Variants in DENND3 observed in about 807,000 individuals in gnomAD.
The protein encoded by DENND3 is DENN domain containing 3, also known as DENN domain-containing protein 3.
In DENND3, 88 loss-of-function variants were observed where a neutral mutation model predicts 135.1. The observed-to-expected ratio is 0.65, with a 90% confidence interval of 0.55 to 0.78. DENND3 has a LOEUF of 0.78. Ranked by LOEUF, DENND3 falls within the 30% of genes least tolerant of loss-of-function variation. The probability of loss-of-function intolerance (pLI) is 0.00; values close to 1 mark genes in which losing one functional copy is unlikely to be tolerated. For missense variants in DENND3, 1,392 were observed against 1,688.4 expected (o/e 0.82, Z 3.08); for synonymous variants, 693 against 712.3 (o/e 0.97, Z 0.43).
chr8:141,151,572 T>A (rs1818802920), intron 6 of DENND3, 47 bp from the exon 7 acceptor site: 2 of 1,564,962 alleles, frequency 1.3e-6, no homozygotes, highest in Non-Finnish European at 8.8e-7. Flanking sequence ...TCTGTATTTT[T>A]TTTTTTTTTA....
chr8:141,190,146 T>C (rs147840009), intron 19 of DENND3, 138 bp from the exon 20 acceptor site: 12,480 of 1,162,652 alleles, frequency 0.011, 94 homozygotes, highest in Middle Eastern at 0.015. Context: ...TATGTTTGCA[T>C]GTTATTATCA....
intron 16 of DENND3, among the ~76,000 whole-genome samples, chr8:141,180,022 G>T (rs1822887650): frequency 6.6e-6 from 1 of 152,188 alleles, no homozygotes; most frequent in African/African-American, 2.4e-5. Context: ...GTGCCCGGGG[G>T]CCTCCAGGCA....
intron 13 of DENND3, among the ~76,000 whole-genome samples, chr8:141,171,758 G>A (rs569540371): frequency 1.3e-5 from 2 of 151,880 alleles, no homozygotes; most frequent in African/African-American, 4.8e-5. Context: ...CCATAGGTGT[G>A]CACAGCGGCC....
In DENND3 at chr8:141,175,063, A is replaced by G; in HGVS notation, c.2276-137A>G. The G allele has an allele frequency of 9.8e-7, 1 of 1,020,078 alleles. No individual in the cohort carries two copies. The highest frequency in any genetic ancestry group is 1.4e-6 in the Non-Finnish European group (1 of 697,282). The allele number at this position is 1,020,078 out of a possible 1,614,324, so 63.2% of individuals were successfully genotyped here. ...CTGGGAAACCTTCTAGGCAGTTTCC[A>G]TCCAGCGCCCTGAGTGCTGGCGCCA... is the stretch of plus-strand genomic sequence containing the variant. On this transcript the variant is annotated intron_variant, in intron 13 of 22. Transcript: ENST00000519811. This position sits in a 1 kb window ranked among gnomAD's most constrained non-coding sequence, Gnocchi z 5.4.
In DENND3 at chr8:141,189,170, A is replaced by G. The variant is rs773917473; in HGVS notation, c.3245+24A>G. On this transcript the variant is annotated intron_variant, in intron 19 of 22. Transcript: ENST00000519811. ...AGGTGCAGTAAGCTCTGCTGGGGAG[A>G]AGGGACTGTTTGGCTTGTGGGTGGG... The G allele has an allele frequency of 5.0e-6, 8 of 1,613,700 alleles. No individual in the cohort carries two copies. The African/African-American group carries it at 8.0e-5, about 16-fold the overall frequency.
chr8:141,180,746 G>A lies in DENND3; in HGVS notation c.2837-1G>A. On this transcript the variant is annotated splice_acceptor_variant, in intron 16 of 22. Transcript: ENST00000519811. LOFTEE classifies it high-confidence loss of function. ...AACACTCCAAGTGTCTTGTCTTTCA[G>A]TGCCCATGACGCTTCCGGAGACAAC... 1.2e-6 allele frequency: 2 copies of A among 1,612,056 alleles called. No homozygotes were observed. Among genetic ancestry groups the A allele is most frequent in the Non-Finnish European group, 1.7e-6 (2 of 1,179,026 alleles).
chr8:141,145,820 TA>T (rs1569555440), intron 5 of DENND3, among the ~76,000 whole-genome samples: 726 of 36,596 alleles, frequency 0.02, 67 homozygotes, highest in African/African-American at 0.067. Context: ...TATATATATA[TA>T]TATATATATA....
Position 141,175,188 on chromosome 8 carries a change from T to TA in DENND3, c.2276-11dup, listed in dbSNP as rs747494476. ...CTGTAAGATACCTCTCTTTTCTTCT[T>TA]ATCAAACTAAGGACAGGAGAAACAA... On this transcript the variant is annotated splice_polypyrimidine_tract_variant and intron_variant, in intron 13 of 22. Transcript: ENST00000519811. This position sits in a 1 kb window ranked among gnomAD's most constrained non-coding sequence, Gnocchi z 5.4. 4.4e-6 allele frequency: 7 copies of TA among 1,608,266 alleles called. No individual in the cohort carries two copies. The East Asian group carries it at 1.3e-4, about 31-fold the overall frequency.
intron 8 of DENND3, among the ~76,000 whole-genome samples, chr8:141,160,256 A>G (rs902366648): frequency 6.7e-6 from 1 of 150,052 alleles, no homozygotes; most frequent in African/African-American, 2.5e-5. Context: ...TCGGCTCACT[A>G]CAACCTCCAC....
At chr8:141,179,709 G>C (rs1387496533) in intron 16 of DENND3, among the ~76,000 whole-genome samples, 2 of 152,258 alleles carry the variant, frequency 1.3e-5, no homozygotes, top group South Asian at 2.1e-4. Context: ...GCCTCGTGCG[G>C]AGTCCTGGTC....
Position 141,136,888 on chromosome 8 carries a change from A to G in DENND3, c.385+97A>G, listed in dbSNP as rs538499643. ...CCCACAGGCAGAGGGAAGTGACGTG[A>G]GCGGCAGAGCCAGGGACCCCTCACT... On this transcript the variant is annotated intron_variant, in intron 2 of 22. Transcript: ENST00000519811. The G allele has an allele frequency of 1.5e-5, 20 of 1,354,486 alleles. No homozygotes were observed. In the African/African-American group the frequency reaches 1.6e-4, roughly 11 times the overall value. 83.9% of individuals were successfully genotyped at this position (1,354,486 alleles called of 1,614,324 possible). A position where few individuals can be genotyped will look rare whatever the true frequency, so the allele number is the denominator to read the frequency against.
intron 7 of DENND3, among the ~76,000 whole-genome samples, chr8:141,153,218 C>T (rs1819025068): frequency 6.6e-6 from 1 of 151,616 alleles, no homozygotes; most frequent in South Asian, 2.1e-4. Flanking sequence ...CTCAGCCTCC[C>T]GAGTAGCTGG....
At position 141,160,683 on chromosome 8, in the gene DENND3, C is replaced by T. The variant is rs1820028022; in HGVS notation, c.1248C>T (p.Ser416=). The part of the protein sequence containing the change: ...HHELHAAHLL[S]STDLKEGRAH... ...AGCTGCACGCCGCCCACCTCCTCTC[C>T]AGCACAGACCTGAAGGAGGGCCGAG... Residue 416 remains serine (S), a synonymous_variant, in exon 9 of 23, where the codon TCC becomes TCT. Transcript: ENST00000519811. 6.2e-7 allele frequency: 1 copy of T among 1,613,214 alleles called. No individual in the cohort carries two copies. The highest frequency in any genetic ancestry group is 1.3e-5 in the African/African-American group (1 of 74,936).
intron 8 of DENND3, chr8:141,157,695 T>C: frequency 1.0e-6 from 1 of 985,960 alleles, no homozygotes; most frequent in East Asian, 1.1e-4. Context: ...TTCTGACTCT[T>C]ACCTTGGTGT....
intron 9 of DENND3, 130 bp from the exon 10 acceptor site, chr8:141,163,200 CAAG>C (rs1481260095): frequency 5.5e-6 from 3 of 542,894 alleles, no homozygotes; most frequent in Non-Finnish European, 9.9e-6. Flanking sequence ...TTTTGGTAAT[CAAG>C]AATCTTTCTG....
At position 141,190,866 on chromosome 8, in the gene DENND3, G is replaced by A. The variant is rs193271206; in HGVS notation, c.3379+449G>A. Among the ~76,000 whole-genome samples the A allele has an allele frequency of 1.6e-4, 24 of 152,326 alleles. No individual in the cohort carries two copies. The East Asian group carries it at 3.7e-3, about 23-fold the overall frequency. On this transcript the variant is annotated intron_variant, in intron 20 of 22. Coordinates refer to ENST00000519811, the MANE Select transcript of DENND3 (RefSeq NM_001352890.3). ...ACAGAGCTGCAGCCTGGGACTCTCC[G>A]TGGACCCAGACTGGGGATTTTGCCA...
chr8:141,181,182 C>T (rs888864053), intron 17 of DENND3, among the ~76,000 whole-genome samples: 1 of 152,128 alleles, frequency 6.6e-6, no homozygotes, highest in African/African-American at 2.4e-5. Context: ...TTTTTTGAGA[C>T]GGAGTCTTGC....
chr8:141,173,040 T>TCAGAGGCGGAGGTGGCTGAGGCACCC (rs1821845168), intron 13 of DENND3, among the ~76,000 whole-genome samples: 1 of 151,332 alleles, frequency 6.6e-6, no homozygotes, highest in African/African-American at 2.4e-5. Context: ...GGCACCCCAG[T>TCAGAGGCGGAGGTGGCTGAGGCACCC]CAGAGGCGGA....
chr8:141,148,123 A>C (rs1317524248), intron 5 of DENND3, among the ~76,000 whole-genome samples: 1 of 152,344 alleles, frequency 6.6e-6, no homozygotes, highest in East Asian at 1.9e-4. Context: ...TCTAGAACCC[A>C]CTGCAAGCTT....
Sources: gnomAD v4.1 joint callset for allele counts (sites outside exome capture counted in the v4.1 genomes callset) on GRCh38, gnomAD v4.1.1 for gene constraint, Gnocchi (gnomAD v3.1) non-coding constraint, MANE v1.5 for transcripts, NCBI Gene and HGNC (gene_info 2026-07-23, HGNC 2026-07-21) for gene names.